The following ATP8B4 variants were observed in gnomAD, a reference collection of about 807,000 sequenced individuals.
ATP8B4 encodes ATPase phospholipid transporting 8B4 (putative).
In ATP8B4, 133 loss-of-function variants were observed where a neutral mutation model predicts 145.6. That is an observed-to-expected ratio of 0.91 (90% CI 0.79 to 1.05). ATP8B4 has a LOEUF of 1.05. Ranked by LOEUF, ATP8B4 falls within the 50% of genes least tolerant of loss-of-function variation. The pLI is 0.00. For missense variants in ATP8B4, 1,458 were observed against 1,425.2 expected (o/e 1.02, Z -0.37); for synonymous variants, 507 against 492.9 (o/e 1.03, Z -0.38).
chr15:50,009,771 G>A (rs528189600), intron 7 of ATP8B4: 10 of 431,760 alleles, frequency 2.3e-5, no homozygotes, highest in Non-Finnish European at 4.2e-5. Flanking sequence ...CTACTTATAA[G>A]GAGCTTAACC....
At chr15:49,861,278 T>C (rs1397662867) in intron 27 of ATP8B4, among the ~76,000 whole-genome samples, 1 of 152,150 alleles carries the variant, frequency 6.6e-6, no homozygotes, top group South Asian at 2.1e-4. Flanking sequence ...TCTGGGTTTA[T>C]GTCAGAATGA....
chr15:49,984,772 T>G (rs1407346666), intron 10 of ATP8B4, among the ~76,000 whole-genome samples: 2 of 151,544 alleles, frequency 1.3e-5, no homozygotes, highest in Admixed American at 1.3e-4. Flanking sequence ...GCAGAAAGAA[T>G]GGTAGAAAAA....
chr15:49,898,483 T>C (rs1004542523), intron 21 of ATP8B4, among the ~76,000 whole-genome samples: 3 of 152,092 alleles, frequency 2.0e-5, no homozygotes, highest in African/African-American at 7.2e-5. Context: ...AAAATAAAAA[T>C]AAACAAAACT....
intron 9 of ATP8B4, among the ~76,000 whole-genome samples, chr15:49,987,840 C>T (rs955508745): frequency 3.9e-5 from 6 of 152,024 alleles, no homozygotes; most frequent in Non-Finnish European, 8.8e-5. Context: ...AAAAGCATAT[C>T]TTTACTTCCG....
At chr15:49,901,403 G>A (rs2038017572) in intron 20 of ATP8B4, among the ~76,000 whole-genome samples, 164 bp from the exon 21 acceptor site, 1 of 152,040 alleles carries the variant, frequency 6.6e-6, no homozygotes, top group South Asian at 2.1e-4. Context: ...CTTTGTGATG[G>A]GAATATCTTA....
intron 1 of ATP8B4, among the ~76,000 whole-genome samples, chr15:50,180,917 C>T (rs1422210384): frequency 6.6e-6 from 1 of 151,332 alleles, no homozygotes; most frequent in African/African-American, 2.4e-5. Context: ...TTTACACACA[C>T]CGAAAAAAAA....
chr15:50,125,549 T>C (rs1002102526), intron 1 of ATP8B4, among the ~76,000 whole-genome samples: 13 of 152,176 alleles, frequency 8.5e-5, no homozygotes, highest in African/African-American at 1.7e-4. Flanking sequence ...CCAAGGTAAC[T>C]GAGACCTGGT....
intron 1 of ATP8B4, among the ~76,000 whole-genome samples, chr15:50,173,748 A>T (rs753154725): frequency 6.6e-6 from 1 of 152,164 alleles, no homozygotes; most frequent in Non-Finnish European, 1.5e-5. Flanking sequence ...TCCTTTTAAC[A>T]CTATTCCACA....
intron 1 of ATP8B4, among the ~76,000 whole-genome samples, chr15:50,177,858 T>C (rs553939197): frequency 6.6e-6 from 1 of 152,300 alleles, no homozygotes; most frequent in African/African-American, 2.4e-5. Context: ...GTTTGAGAAA[T>C]AGTGAACTAC....
At chr15:50,080,597 A>AT (rs200866612) in intron 2 of ATP8B4, among the ~76,000 whole-genome samples, 2,142 of 149,120 alleles carry the variant, frequency 0.014, 50 homozygotes, top group African/African-American at 0.05. Context: ...TCTTGCTAGA[A>AT]TTTTTTTTTT....
At chr15:50,064,515 GCACA>G (rs898815402) in intron 3 of ATP8B4, among the ~76,000 whole-genome samples, 1 of 152,108 alleles carries the variant, frequency 6.6e-6, no homozygotes, top group Non-Finnish European at 1.5e-5. Flanking sequence ...CTACCTCCGT[GCACA>G]CAGTCATGCA....
intron 3 of ATP8B4, among the ~76,000 whole-genome samples, chr15:50,061,719 G>C (rs556347099): frequency 5.3e-5 from 8 of 152,130 alleles, no homozygotes; most frequent in Non-Finnish European, 8.8e-5. Context: ...TAGCCAAATG[G>C]TTCCCCAAAT....
At chr15:50,085,877 T>TTATATTTTATATATGATATATATCA (rs1555484290) in intron 2 of ATP8B4, among the ~76,000 whole-genome samples, 1 of 34,716 alleles carries the variant, frequency 2.9e-5, no homozygotes, top group East Asian at 1.0e-3. Flanking sequence ...TCATATATAT[T>TTATATTTTATATATGATATATATCA]TATATATTTA....
intron 1 of ATP8B4, among the ~76,000 whole-genome samples, chr15:50,160,039 G>C (rs1282617429): frequency 6.9e-5 from 1 of 14,464 alleles, no homozygotes; most frequent in African/African-American, 2.6e-4. Context: ...TTTTTTTTTT[G>C]CTGGGAGACT....
At chr15:49,957,266 G>GA (rs1030483193) in intron 14 of ATP8B4, among the ~76,000 whole-genome samples, 1 of 151,756 alleles carries the variant, frequency 6.6e-6, no homozygotes, top group African/African-American at 2.4e-5. Flanking sequence ...GCTGCCTTAA[G>GA]AAAAAATTTA....
intron 10 of ATP8B4, among the ~76,000 whole-genome samples, chr15:49,985,110 T>C (rs958183913): frequency 8.5e-5 from 13 of 152,158 alleles, no homozygotes; most frequent in African/African-American, 3.1e-4. Flanking sequence ...ATTTTTTTTT[T>C]TTTTGAGATG....
chr15:50,043,411 ATTT>A (rs572656897), intron 5 of ATP8B4, among the ~76,000 whole-genome samples: 1 of 151,866 alleles, frequency 6.6e-6, no homozygotes, highest in African/African-American at 2.4e-5. Context: ...TTATACACAG[ATTT>A]TTTTTCTCTA....
At chr15:49,941,191 AAC>A (rs1472465141) in intron 14 of ATP8B4, among the ~76,000 whole-genome samples, 1 of 152,168 alleles carries the variant, frequency 6.6e-6, no homozygotes, top group African/African-American at 2.4e-5. Context: ...AAAGCCCACT[AAC>A]ACACAATGCT....
Position 49,900,920 on chromosome 15 carries a change from A to G in ATP8B4, c.2289+172T>C, listed in dbSNP as rs180989720. Among the ~76,000 whole-genome samples the G allele has an allele frequency of 3.0e-4, 45 of 152,138 alleles. 1 individual carries two copies. The East Asian group carries it at 5.4e-3, about 18-fold the overall frequency. On this transcript the variant is annotated intron_variant, in intron 21 of 27. Coordinates refer to ENST00000284509, the MANE Select transcript of ATP8B4 (RefSeq NM_024837.4). Reference sequence around the variant, plus strand: ...GGTGATCCAAATAATAATGTATGAGATATATATTAGAAGTTTCCTTTCCCT... The same window carrying G: ...GGTGATCCAAATAATAATGTATGAGGTATATATTAGAAGTTTCCTTTCCCT...
Sources: allele counts gnomAD v4.1 joint callset (sites outside exome capture counted in the v4.1 genomes callset), GRCh38; gene constraint gnomAD v4.1.1; transcripts MANE v1.5; gene names NCBI Gene and HGNC (gene_info 2026-07-23, HGNC 2026-07-21).